The following SHISA9 variants were observed in gnomAD, a reference collection of about 807,000 sequenced individuals.
SHISA9 encodes the protein shisa family member 9.
Under a neutral mutation model 38.0 loss-of-function variants are expected in SHISA9, and 13 were observed. The observed-to-expected ratio is 0.34, with a 90% confidence interval of 0.22 to 0.54. The LOEUF (loss-of-function observed/expected upper bound fraction) is 0.54, where lower values mean the gene tolerates loss of function less well. Ranked by LOEUF, SHISA9 falls within the 20% of genes least tolerant of loss-of-function variation. The pLI is 0.91. For missense variants in SHISA9, 538 were observed against 575.8 expected (o/e 0.93, Z 0.67); for synonymous variants, 275 against 242.0 (o/e 1.14, Z -1.27).
the SHISA9 span, among the ~76,000 whole-genome samples, chr16:13,555,652 C>G: frequency 6.6e-6 from 1 of 151,826 alleles, no homozygotes; most frequent in Non-Finnish European, 1.5e-5. Flanking sequence ...AAAGTGCAAG[C>G]AAACATACTG....
At chr16:12,950,899 C>A (rs964121222) in intron 2 of SHISA9, among the ~76,000 whole-genome samples, 1 of 150,070 alleles carries the variant, frequency 6.7e-6, no homozygotes, top group Non-Finnish European at 1.5e-5. Context: ...AGAGCCACTG[C>A]GCCCGGCCCT....
intron 2 of SHISA9, among the ~76,000 whole-genome samples, chr16:13,190,595 G>T (rs1228233273): frequency 6.6e-6 from 1 of 152,114 alleles, no homozygotes; most frequent in Non-Finnish European, 1.5e-5. Context: ...CCTCTGTTTT[G>T]CTGCTTCACA....
the SHISA9 span, among the ~76,000 whole-genome samples, chr16:13,400,467 G>A: frequency 6.6e-6 from 1 of 152,058 alleles, no homozygotes; most frequent in East Asian, 1.9e-4. Context: ...TTTCTTTCAA[G>A]GCCAAATCGT....
chr16:13,151,356 C>T (rs1374441034), intron 2 of SHISA9, among the ~76,000 whole-genome samples: 1 of 152,204 alleles, frequency 6.6e-6, no homozygotes, highest in African/African-American at 2.4e-5. Flanking sequence ...ATCCACCCAC[C>T]TCAGCCTCCC....
At chr16:13,481,420 T>G in the SHISA9 span, among the ~76,000 whole-genome samples, 6 of 152,262 alleles carry the variant, frequency 3.9e-5, no homozygotes, top group African/African-American at 1.4e-4. Context: ...TCCTTCCATC[T>G]GACTGTATGT....
the SHISA9 span, among the ~76,000 whole-genome samples, chr16:13,496,539 T>C: frequency 1.3e-5 from 2 of 152,080 alleles, no homozygotes; most frequent in African/African-American, 4.8e-5. Flanking sequence ...ATTACCATTA[T>C]GGATTTTCTA....
the SHISA9 span, among the ~76,000 whole-genome samples, chr16:13,300,908 C>G: frequency 1.3e-5 from 2 of 149,024 alleles, no homozygotes; most frequent in East Asian, 2.0e-4. Context: ...CCCTCTCTTC[C>G]TCTCCCACCT....
At chr16:13,562,231 G>A in the SHISA9 span, among the ~76,000 whole-genome samples, 1 of 152,212 alleles carries the variant, frequency 6.6e-6, no homozygotes, top group East Asian at 1.9e-4. Flanking sequence ...ATGAATCAGA[G>A]AAATTGGGTT....
At chr16:13,540,711 A>T in the SHISA9 span, among the ~76,000 whole-genome samples, 2 of 152,212 alleles carry the variant, frequency 1.3e-5, no homozygotes, top group African/African-American at 4.8e-5. Context: ...AATTTAGGGT[A>T]ATGATGCTCC....
At chr16:13,321,841 T>G in the SHISA9 span, among the ~76,000 whole-genome samples, 1 of 152,322 alleles carries the variant, frequency 6.6e-6, no homozygotes, top group South Asian at 2.1e-4. Context: ...TAATGTGATC[T>G]TTGAACAAAC....
At chr16:13,125,195 G>C (rs1273139930) in intron 2 of SHISA9, among the ~76,000 whole-genome samples, 1 of 152,006 alleles carries the variant, frequency 6.6e-6, no homozygotes, top group Non-Finnish European at 1.5e-5. Context: ...GAGAATGGGA[G>C]AAAATATTTG....
the SHISA9 span, among the ~76,000 whole-genome samples, chr16:13,482,665 G>A: frequency 6.6e-6 from 1 of 152,074 alleles, no homozygotes; most frequent in African/African-American, 2.4e-5. Flanking sequence ...GCTTGGCGTG[G>A]TGGCACATGC....
intron 2 of SHISA9, among the ~76,000 whole-genome samples, chr16:13,131,920 A>G (rs2050310003): frequency 6.6e-6 from 1 of 152,206 alleles, no homozygotes; most frequent in Non-Finnish European, 1.5e-5. Context: ...TCCCGGACTC[A>G]TGGGTTTGCC....
the SHISA9 span, among the ~76,000 whole-genome samples, chr16:13,404,589 C>A: frequency 2.0e-5 from 3 of 152,058 alleles, no homozygotes; most frequent in South Asian, 6.2e-4. Flanking sequence ...GGAGGGAGGA[C>A]ATGTTATGAG....
chr16:13,179,823 TA>T (rs1179481777), intron 2 of SHISA9, among the ~76,000 whole-genome samples: 1 of 152,230 alleles, frequency 6.6e-6, no homozygotes, highest in African/African-American at 2.4e-5. Flanking sequence ...GGTTAGAGTG[TA>T]AAATTCCCTC....
chr16:13,479,922 T>A, the SHISA9 span, among the ~76,000 whole-genome samples: 321 of 152,334 alleles, frequency 2.1e-3, 1 homozygote, highest in Non-Finnish European at 3.3e-3. Flanking sequence ...TAGCGTCTGT[T>A]AAGACAAGAT....
intron 4 of SHISA9, among the ~76,000 whole-genome samples, chr16:13,222,525 A>G (rs2051237112): frequency 6.6e-6 from 1 of 152,132 alleles, no homozygotes; most frequent in Admixed American, 6.5e-5. Flanking sequence ...TTTTGCTATT[A>G]TTTCACTGGT....
chr16:13,035,970 A>T (rs984355271), intron 2 of SHISA9, among the ~76,000 whole-genome samples: 2 of 152,232 alleles, frequency 1.3e-5, no homozygotes, highest in African/African-American at 4.8e-5. Flanking sequence ...ACCCATTAGA[A>T]TGGCTAAAAT....
chr16:13,175,584 G>A (rs186669031), intron 2 of SHISA9, among the ~76,000 whole-genome samples: 1 of 152,088 alleles, frequency 6.6e-6, no homozygotes, highest in African/African-American at 2.4e-5. Flanking sequence ...GAAGGTGAAG[G>A]TTACTGTGAC....
Sources: gnomAD v4.1 joint callset for allele counts (sites outside exome capture counted in the v4.1 genomes callset) on GRCh38, gnomAD v4.1.1 for gene constraint, MANE v1.5 for transcripts, NCBI Gene and HGNC (gene_info 2026-07-23, HGNC 2026-07-21) for gene names.